Variants in SERPING1 observed in about 807,000 individuals in gnomAD.
SERPING1 encodes the protein serpin family G member 1, also known as plasma protease C1 inhibitor.
A neutral mutation model predicts 34.1 loss-of-function variants in SERPING1; 5 were observed. That is an observed-to-expected ratio of 0.15 (90% CI 0.08 to 0.31). The LOEUF (loss-of-function observed/expected upper bound fraction) is 0.31. Among genes scored for constraint, SERPING1 ranks in the 10% least tolerant of loss-of-function variants. The pLI is 1.00. For missense variants in SERPING1, 505 were observed against 609.5 expected (o/e 0.83, Z 1.81); for synonymous variants, 225 against 242.4 (o/e 0.93, Z 0.67).
At chr11:57,607,720 C>T (rs1428523777) in intron 6 of SERPING1, among the ~76,000 whole-genome samples, 2 of 152,226 alleles carry the variant, frequency 1.3e-5, no homozygotes. Flanking sequence ...AGTGCATTGA[C>T]ATGATCTCAG....
chr11:57,614,316 GT>G lies in SERPING1; in HGVS notation c.1250-8del. On this transcript the variant is annotated splice_polypyrimidine_tract_variant and intron_variant, in intron 7 of 7. Coordinates refer to ENST00000278407, the MANE Select transcript of SERPING1 (RefSeq NM_000062.3). ...TGGCTTCTGACTCTGTTTTTCTCTG[GT>G]TTTGCCCTAGAATTCTTCGATTTTT... 1 of 1,612,950 alleles carries G rather than the reference GT, an allele frequency of 6.2e-7. No individual in the cohort carries two copies. Among genetic ancestry groups the G allele is most frequent in the Non-Finnish European group, 8.5e-7 (1 of 1,180,018 alleles).
At chr11:57,606,354 T>C in intron 5 of SERPING1, 54 bp from the exon 6 acceptor site, 1 of 1,610,242 alleles carries the variant, frequency 6.2e-7, no homozygotes, top group Non-Finnish European at 8.5e-7. Context: ...TTTTAGCTCC[T>C]CTTCATCCTT....
chr11:57,614,684 C>A lies in SERPING1; in HGVS notation c.*103C>A. The A allele has an allele frequency of 7.2e-7, 1 of 1,382,662 alleles. No individual in the cohort carries two copies. Among genetic ancestry groups the A allele is most frequent in the Non-Finnish European group, 9.9e-7 (1 of 1,013,008 alleles). 85.6% of individuals were successfully genotyped at this position (1,382,662 alleles called of 1,614,324 possible). A position where few individuals can be genotyped will look rare whatever the true frequency, so the allele number is the denominator to read the frequency against. On this transcript the variant is annotated 3_prime_UTR_variant, in exon 8 of 8. Coordinates refer to ENST00000278407, the MANE Select transcript of SERPING1 (RefSeq NM_000062.3). ...GGACTTGGCCCCTGCCACCTCCTGC[C>A]TCAGGTGTCCGCTATCCACCAAAAG...
chr11:57,611,772 A>C lies in SERPING1; in HGVS notation c.1085A>C (p.Asn362Thr). The change falls in exon 7 of 8, where the codon AAC becomes ACC. Residue 362 changes from asparagine to threonine, a missense_variant. Coordinates refer to ENST00000278407, the MANE Select transcript of SERPING1 (RefSeq NM_000062.3). The part of the protein sequence containing the change: ...NLSLVILVPQ[N>T]LKHRLEDMEQ... ...AGTTTGGTGATCCTGGTACCCCAGA[A>C]CCTGAAACATCGTCTTGAAGACATG... 1.2e-6 allele frequency: 2 copies of C among 1,614,234 alleles called. No homozygotes were observed. The highest frequency in any genetic ancestry group is 1.7e-6 in the Non-Finnish European group (2 of 1,180,040).
At chr11:57,607,290 T>G (rs1157982553) in intron 6 of SERPING1, among the ~76,000 whole-genome samples, 1 of 152,222 alleles carries the variant, frequency 6.6e-6, no homozygotes, top group Non-Finnish European at 1.5e-5. Context: ...ACTCAGATCC[T>G]CACATAGCTT....
intron 3 of SERPING1, 46 bp downstream of exon 3, chr11:57,600,423 C>G (rs1945335138): frequency 1.2e-6 from 2 of 1,604,766 alleles, no homozygotes; most frequent in African/African-American, 2.7e-5. Context: ...TTGGACACTC[C>G]CATAAGAGTC....
At position 57,606,525 on chromosome 11, in the gene SERPING1, T is replaced by C. The variant is rs1225321330; in HGVS notation, c.1007T>C (p.Ile336Thr). 1.9e-6 allele frequency: 3 copies of C among 1,614,192 alleles called. No individual in the cohort carries two copies. The highest frequency in any genetic ancestry group is 8.5e-7 in the Non-Finnish European group (1 of 1,180,040). The stretch of plus-strand genomic sequence containing the variant: ...AAGAAGTACCCTGTGGCCCATTTCA[T>C]TGACCAAACTTTGAAAGCCAAGGTA... The part of the protein sequence containing the change: ...NSKKYPVAHF[I>T]DQTLKAKVGQ... Residue 336 changes from isoleucine to threonine, a missense_variant, in exon 6 of 8, where the codon ATT becomes ACT. Transcript: ENST00000278407.
chr11:57,611,428 A>C (rs1024257294), intron 6 of SERPING1: 2 of 497,800 alleles, frequency 4.0e-6, no homozygotes, highest in Non-Finnish European at 7.3e-6. Flanking sequence ...AACAGCGCTC[A>C]GAGAAATCAA....
chr11:57,605,952 C>A, intron 4 of SERPING1, 58 bp from the exon 5 acceptor site: 1 of 1,461,816 alleles, frequency 6.8e-7, no homozygotes, highest in Non-Finnish European at 9.6e-7. Flanking sequence ...TCAAATCGTG[C>A]TCATGGAAAG....
chr11:57,604,727 A>C (rs971533302), intron 4 of SERPING1, among the ~76,000 whole-genome samples: 6 of 151,392 alleles, frequency 4.0e-5, no homozygotes, highest in African/African-American at 1.5e-4. Flanking sequence ...AACAATACTT[A>C]GGTCTGGCTC....
chr11:57,611,681 T>A, intron 6 of SERPING1, 36 bp from the exon 7 acceptor site: 1 of 1,574,984 alleles, frequency 6.3e-7, no homozygotes, highest in South Asian at 1.1e-5. Flanking sequence ...AGAGATGCGG[T>A]AGGAAGACTG....
intron 6 of SERPING1, among the ~76,000 whole-genome samples, chr11:57,609,854 C>G (rs1200724813): frequency 6.6e-6 from 1 of 152,178 alleles, no homozygotes. Context: ...TAACCTCAAG[C>G]TCCTTGGGAT....
chr11:57,613,049 A>G (rs962017325), intron 7 of SERPING1, among the ~76,000 whole-genome samples: 3 of 151,912 alleles, frequency 2.0e-5, no homozygotes, highest in Non-Finnish European at 4.4e-5. Flanking sequence ...GCCCAGCCTC[A>G]TTTTCTAACC....
At position 57,606,227 on chromosome 11, in the gene SERPING1, T is replaced by C. The variant is rs1432652840; in HGVS notation, c.889+14T>C. ...TCTACCTGAGTGGTAAGGGTGCCCT[T>C]AGCCAGTTAGTCTTCCCATTCTGGG... is the stretch of plus-strand genomic sequence containing the variant. On this transcript the variant is annotated intron_variant, in intron 5 of 7. Coordinates refer to ENST00000278407, the MANE Select transcript of SERPING1 (RefSeq NM_000062.3). 6.2e-7 allele frequency: 1 copy of C among 1,613,938 alleles called. No homozygotes were observed.
chr11:57,606,500 A>G lies in SERPING1; in HGVS notation c.982A>G (p.Lys328Glu), dbSNP rs1463027509. The G allele has an allele frequency of 6.2e-7, 1 of 1,614,086 alleles. No homozygotes were observed. Among genetic ancestry groups the G allele is most frequent in the Non-Finnish European group, 8.5e-7 (1 of 1,180,040 alleles). ...TATAAAAGTGCCCATGATGAATAGCAAGAAGTACCCTGTGGCCCATTTCAT... is the reference window on the plus strand; with the variant it reads ...TATAAAAGTGCCCATGATGAATAGCGAGAAGTACCCTGTGGCCCATTTCAT... ...SVIKVPMMNS[K>E]KYPVAHFIDQ... is the part of the protein sequence containing the mutation. The change falls in exon 6 of 8, where the codon AAG (lysine) becomes GAG (glutamate). Residue 328 changes from lysine (K) to glutamate (E), a missense_variant. Coordinates refer to ENST00000278407, the MANE Select transcript of SERPING1 (RefSeq NM_000062.3).
chr11:57,600,518 T>C (rs948165563), intron 3 of SERPING1, 141 bp downstream of exon 3: 8 of 881,412 alleles, frequency 9.1e-6, no homozygotes, highest in Non-Finnish European at 1.5e-5. Flanking sequence ...GGTAGAGGGA[T>C]GTATCTTTTC....
At chr11:57,604,320 T>C (rs1945384363) in intron 4 of SERPING1, among the ~76,000 whole-genome samples, 1 of 152,202 alleles carries the variant, frequency 6.6e-6, no homozygotes, top group African/African-American at 2.4e-5. Flanking sequence ...TGTATTATGT[T>C]ATTAAGTAGG....
intron 3 of SERPING1, among the ~76,000 whole-genome samples, chr11:57,601,225 C>A (rs1945344515): frequency 6.6e-6 from 1 of 151,826 alleles, no homozygotes; most frequent in East Asian, 1.9e-4. Context: ...ATGGTGAAAC[C>A]CCGTCTCTAC....
intron 6 of SERPING1, 136 bp downstream of exon 6, chr11:57,606,683 C>G: frequency 1.1e-6 from 1 of 934,400 alleles, no homozygotes; most frequent in Non-Finnish European, 1.7e-6. Flanking sequence ...TATTTCCACC[C>G]TATCTTTTCT....
Sources: gnomAD v4.1 joint callset for allele counts (sites outside exome capture counted in the v4.1 genomes callset) on GRCh38, gnomAD v4.1.1 for gene constraint, MANE v1.5 for transcripts, NCBI Gene and HGNC (gene_info 2026-07-23, HGNC 2026-07-21) for gene names.